Variants in SGCG observed in about 807,000 individuals in gnomAD.
SGCG encodes the protein gamma-sarcoglycan.
A neutral mutation model predicts 29.3 loss-of-function variants in SGCG; 26 were observed. The observed-to-expected ratio is 0.89, with a 90% CI of 0.65 to 1.23. SGCG has a LOEUF of 1.23. SGCG is among the 50% of genes most tolerant of loss of function. The pLI is 0.00. For synonymous variants in SGCG, 145 were observed against 129.7 expected (o/e 1.12, Z -0.80); for missense variants, 353 against 356.0 (o/e 0.99, Z 0.07).
chr13:23,255,970 A>G (rs958074467), intron 4 of SGCG, among the ~76,000 whole-genome samples: 1 of 152,184 alleles, frequency 6.6e-6, no homozygotes, highest in South Asian at 2.1e-4. Context: ...CCAGCATGTC[A>G]CTACTACAAC....
At position 23,213,616 on chromosome 13, in the gene SGCG, G is replaced by A. The variant is rs115804586; in HGVS notation, c.195+9727G>A. Among the ~76,000 whole-genome samples the A allele has an allele frequency of 1.6e-3, 250 of 152,310 alleles. 1 individual carries two copies. Among genetic ancestry groups the A allele is most frequent in the African/African-American group, 4.7e-3 (194 of 41,560 alleles). ...TTCTACTAAAATGCTTTCTGGGAGC[G>A]TGTTATGAACACACTTTACAAATAT... On this transcript the variant is annotated intron_variant, in intron 2 of 7. Transcript: ENST00000218867.
chr13:23,195,017 A>G (rs3794366), intron 1 of SGCG, among the ~76,000 whole-genome samples: 35,480 of 152,074 alleles, frequency 0.23, 4,307 homozygotes, highest in Middle Eastern at 0.33. Context: ...GCAGCCAACT[A>G]CTAACTTAAC....
chr13:23,221,126 G>A (rs4534685), intron 2 of SGCG, among the ~76,000 whole-genome samples: 1 of 152,084 alleles, frequency 6.6e-6, no homozygotes, highest in Non-Finnish European at 1.5e-5. Flanking sequence ...CTGCAACTTA[G>A]GTCTGATGCC....
At chr13:23,299,163 C>T (rs1198799741) in intron 6 of SGCG, among the ~76,000 whole-genome samples, 2 of 151,854 alleles carry the variant, frequency 1.3e-5, no homozygotes, top group African/African-American at 2.4e-5. Context: ...CACTCATAAT[C>T]GAATCCAGCT....
chr13:23,244,353 G>A (rs1470788857), intron 3 of SGCG: 2 of 152,106 alleles, frequency 1.3e-5, no homozygotes, highest in Non-Finnish European at 2.9e-5. Context: ...AAAAAACAGA[G>A]CCATCCAAAA....
upstream of SGCG, among the ~76,000 whole-genome samples, chr13:23,176,495 A>AT (rs1876558167): frequency 1.3e-5 from 2 of 152,038 alleles, no homozygotes; most frequent in Admixed American, 6.6e-5. Flanking sequence ...TATAATGACC[A>AT]TTTTAATCTT....
intron 6 of SGCG, among the ~76,000 whole-genome samples, chr13:23,313,921 G>A (rs1184489837): frequency 6.6e-6 from 1 of 152,112 alleles, no homozygotes; most frequent in Non-Finnish European, 1.5e-5. Flanking sequence ...AGAAAAATGT[G>A]AAAAGGTGAG....
chr13:23,182,109 C>T (rs1353778575), intron 1 of SGCG, among the ~76,000 whole-genome samples: 1 of 152,192 alleles, frequency 6.6e-6, no homozygotes, highest in Non-Finnish European at 1.5e-5. Context: ...AAGATATCAG[C>T]TAAGCTTGCA....
intron 1 of SGCG, among the ~76,000 whole-genome samples, chr13:23,196,026 T>C (rs963227432): frequency 1.3e-5 from 2 of 152,048 alleles, no homozygotes; most frequent in Admixed American, 6.5e-5. Context: ...TTAGTTTCCT[T>C]ACAGTATTTT....
intron 6 of SGCG, among the ~76,000 whole-genome samples, chr13:23,319,707 A>G (rs534284573): frequency 2.0e-5 from 3 of 152,244 alleles, no homozygotes; most frequent in African/African-American, 7.2e-5. Flanking sequence ...TTTCCGAATT[A>G]GGTATCTTTT....
chr13:23,226,120 G>T (rs556959810), intron 2 of SGCG, among the ~76,000 whole-genome samples: 2 of 152,030 alleles, frequency 1.3e-5, no homozygotes, highest in African/African-American at 4.8e-5. Flanking sequence ...GGGCAGTGGG[G>T]GTTCTACTCA....
At chr13:23,303,743 C>T (rs489178) in intron 6 of SGCG, among the ~76,000 whole-genome samples, 109,882 of 152,092 alleles carry the variant, frequency 0.72, 41,597 homozygotes, top group East Asian at 0.89. Flanking sequence ...AGATATAGCT[C>T]CATGATAAAT....
At chr13:23,298,246 C>T (rs113096848) in intron 6 of SGCG, among the ~76,000 whole-genome samples, 1,576 of 152,070 alleles carry the variant, frequency 0.01, 28 homozygotes, top group African/African-American at 0.036. Flanking sequence ...ATCCCAGCTA[C>T]TCAGAAGGCT....
At chr13:23,166,785 A>G in the SGCG span, among the ~76,000 whole-genome samples, 11 of 152,166 alleles carry the variant, frequency 7.2e-5, no homozygotes, top group Admixed American at 7.2e-4. Flanking sequence ...TAAGGTTTGT[A>G]GGTACATAGT....
intron 5 of SGCG, among the ~76,000 whole-genome samples, chr13:23,288,470 CAAAT>C (rs1255897648): frequency 6.6e-6 from 1 of 152,110 alleles, no homozygotes; most frequent in Middle Eastern, 3.2e-3. Flanking sequence ...CTTAATTACT[CAAAT>C]AAGCTAAAAC....
At chr13:23,273,665 T>G (rs1032209750) in intron 4 of SGCG, among the ~76,000 whole-genome samples, 2 of 152,226 alleles carry the variant, frequency 1.3e-5, no homozygotes, top group African/African-American at 4.8e-5. Context: ...AATTTCTGGG[T>G]GAATGGGTCT....
chr13:23,291,806 G>T (rs568633427), intron 5 of SGCG, among the ~76,000 whole-genome samples: 1 of 152,210 alleles, frequency 6.6e-6, no homozygotes, highest in South Asian at 2.1e-4. Flanking sequence ...TGGGGGAAAA[G>T]AATTGACGCT....
At chr13:23,323,099 C>T (rs966532138) in intron 7 of SGCG, among the ~76,000 whole-genome samples, 7 of 152,066 alleles carry the variant, frequency 4.6e-5, no homozygotes, top group Admixed American at 3.9e-4. Context: ...AGAACAGCAC[C>T]AGAGTGTGTG....
At position 23,309,742 on chromosome 13, in the gene SGCG, C is replaced by A. The variant is rs558750593; in HGVS notation, c.579-10895C>A. Among the ~76,000 whole-genome samples, 4 of 152,264 alleles carry A rather than the reference C, an allele frequency of 2.6e-5. No individual in the cohort carries two copies. The South Asian group carries it at 8.3e-4, about 32-fold the overall frequency. The stretch of plus-strand genomic sequence containing the variant: ...TTCAAACAGTGTGTGTAAGAGCAAT[C>A]AAAGGTTTGGTGTAAACTCACATAT... On this transcript the variant is annotated intron_variant, in intron 6 of 7. Coordinates refer to ENST00000218867, the MANE Select transcript of SGCG (RefSeq NM_000231.3).
Sources: allele counts gnomAD v4.1 joint callset (sites outside exome capture counted in the v4.1 genomes callset), GRCh38; gene constraint gnomAD v4.1.1; transcripts MANE v1.5; gene names NCBI Gene and HGNC (gene_info 2026-07-23, HGNC 2026-07-21).